Variants in FBXW11 observed in about 807,000 individuals in gnomAD.
The protein encoded by FBXW11 is F-box/WD repeat-containing protein 11.
A neutral mutation model predicts 77.6 loss-of-function variants in FBXW11; 19 were observed. The observed-to-expected ratio is 0.24, with a 90% CI of 0.17 to 0.36. The LOEUF (loss-of-function observed/expected upper bound fraction) is 0.36. Ranked by LOEUF, FBXW11 falls within the 10% of genes least tolerant of loss-of-function variation. FBXW11 has a pLI of 1.00. For missense variants in FBXW11, 334 were observed against 704.2 expected (o/e 0.47, Z 5.95); for synonymous variants, 235 against 249.4 (o/e 0.94, Z 0.54).
chr5:171,916,556 A>G (rs1761265827), intron 2 of FBXW11: 1 of 709,568 alleles, frequency 1.4e-6, no homozygotes, highest in Non-Finnish European at 1.7e-6. Context: ...AAGGAAACAA[A>G]GGTAGTATTT....
At chr5:171,991,888 G>C (rs922454305) in intron 1 of FBXW11, among the ~76,000 whole-genome samples, 2 of 152,128 alleles carry the variant, frequency 1.3e-5, no homozygotes, top group Non-Finnish European at 2.9e-5. Flanking sequence ...GCCGAGGTGG[G>C]AGGATCACTT....
intron 1 of FBXW11, among the ~76,000 whole-genome samples, chr5:171,995,550 G>A (rs971048965): frequency 2.0e-5 from 3 of 151,994 alleles, no homozygotes; most frequent in Non-Finnish European, 4.4e-5. Context: ...TCAGGAGATC[G>A]AGACCATCCT....
chr5:171,992,602 A>G (rs1044578616), intron 1 of FBXW11, among the ~76,000 whole-genome samples: 22 of 152,138 alleles, frequency 1.4e-4, no homozygotes, highest in Non-Finnish European at 4.4e-5. Context: ...ATGACATATG[A>G]TCTCAGGTTC....
chr5:171,881,005 G>A (rs1368913080), intron 7 of FBXW11, among the ~76,000 whole-genome samples: 1 of 152,152 alleles, frequency 6.6e-6, no homozygotes, highest in Non-Finnish European at 1.5e-5. Context: ...CCATGTTATT[G>A]TGTTTTTAAT....
chr5:171,906,627 T>C (rs976584380), intron 4 of FBXW11, among the ~76,000 whole-genome samples: 2 of 152,216 alleles, frequency 1.3e-5, no homozygotes, highest in Admixed American at 6.5e-5. Flanking sequence ...AGGCATATTA[T>C]AACATATTAT....
rs1264189805 is a variant in FBXW11 at position 171,863,096 on chromosome 5, GT to G, written c.*1030del. ...ACTCCACAACAAATAAAACATTTTG[GT>G]GTTAAACCTTAGAAATTACATTTTA... On this transcript the variant is annotated 3_prime_UTR_variant, in exon 14 of 14. Coordinates refer to ENST00000517395, the MANE Select transcript of FBXW11 (RefSeq NM_001378974.1). 4 of 152,548 alleles carry G rather than the reference GT, an allele frequency of 2.6e-5. No individual in the cohort carries two copies. Among genetic ancestry groups the G allele is most frequent in the Non-Finnish European group, 5.9e-5 (4 of 68,028 alleles). The allele number at this position is 152,548 out of a possible 1,614,324, so 9.4% of individuals were successfully genotyped here. A position where few individuals can be genotyped will look rare whatever the true frequency, so the allele number is the denominator to read the frequency against.
chr5:171,972,472 C>T (rs1339103325), intron 1 of FBXW11, among the ~76,000 whole-genome samples: 5 of 141,164 alleles, frequency 3.5e-5, no homozygotes, highest in Non-Finnish European at 6.1e-5. Context: ...CTGCACTCCA[C>T]CCTGGGCAAC....
chr5:171,924,915 A>T lies in FBXW11; in HGVS notation c.148-10510T>A, dbSNP rs565540887. On this transcript the variant is annotated intron_variant, in intron 2 of 13. Coordinates refer to ENST00000517395, the MANE Select transcript of FBXW11 (RefSeq NM_001378974.1). ...TCACGCGGATGCTGGTGTCTCCAAA[A>T]GTTTCAAGTGCCACCGCATTCCCCC... 3.9e-5 allele frequency among the ~76,000 whole-genome samples: 6 copies of T among 152,182 alleles called. No homozygotes were observed. The East Asian group carries it at 1.2e-3, about 30-fold the overall frequency.
intron 2 of FBXW11, among the ~76,000 whole-genome samples, chr5:171,925,268 T>A (rs1448517281): frequency 6.6e-6 from 1 of 152,214 alleles, no homozygotes; most frequent in Admixed American, 6.5e-5. Context: ...TAGCAGAGTA[T>A]AATAAATCCC....
chr5:171,939,696 C>CAAAAA (rs58051402), intron 2 of FBXW11, among the ~76,000 whole-genome samples: 6 of 80,050 alleles, frequency 7.5e-5, no homozygotes, highest in Admixed American at 3.0e-4. Flanking sequence ...GACCCTGTCT[C>CAAAAA]AAAAAAAAAA....
chr5:171,944,510 G>A (rs1235291875), intron 2 of FBXW11, among the ~76,000 whole-genome samples: 1 of 143,996 alleles, frequency 6.9e-6, no homozygotes, highest in Non-Finnish European at 1.5e-5. Flanking sequence ...CGGCAGGGCG[G>A]AGCCTGCAGT....
Position 171,869,166 on chromosome 5 carries a change from A to G in FBXW11, c.1531-370T>C, listed in dbSNP as rs1206467479. ...TTTTAACATGACCAGGATCTACCTC[A>G]AATTGCTGCCAGCATCAAAATTCAT... On this transcript the variant is annotated intron_variant, in intron 12 of 13. Transcript: ENST00000517395. The surrounding 1 kb of genome is among the most constrained non-coding windows in gnomAD (Gnocchi z 4.1). 6.6e-6 allele frequency among the ~76,000 whole-genome samples: 1 copy of G among 152,228 alleles called. No homozygotes were observed. Among genetic ancestry groups the G allele is most frequent in the Non-Finnish European group, 1.5e-5 (1 of 68,026 alleles).
rs1757168391 is a variant in FBXW11 at position 171,862,802 on chromosome 5, A to G, written c.*1325T>C. The G allele has an allele frequency of 1.3e-5, 2 of 152,224 alleles. No individual in the cohort carries two copies. Among genetic ancestry groups the G allele is most frequent in the African/African-American group, 4.8e-5 (2 of 41,434 alleles). The allele number at this position is 152,224 out of a possible 1,614,324, so 9.4% of individuals were successfully genotyped here. On this transcript the variant is annotated 3_prime_UTR_variant, in exon 14 of 14. Coordinates refer to ENST00000517395, the MANE Select transcript of FBXW11 (RefSeq NM_001378974.1). ...ACCCCTCAGCATGGGCCTCTGAACC[A>G]GCCTGACCTGCCCTGCAGGCTCCAA...
At chr5:171,989,686 C>A (rs992329322) in intron 1 of FBXW11, among the ~76,000 whole-genome samples, 1 of 152,170 alleles carries the variant, frequency 6.6e-6, no homozygotes, top group African/African-American at 2.4e-5. Context: ...AAAAAGAGTA[C>A]AAGAAACATA....
At chr5:171,996,338 AT>A (rs1241744165) in intron 1 of FBXW11, among the ~76,000 whole-genome samples, 1 of 152,192 alleles carries the variant, frequency 6.6e-6, no homozygotes, top group Non-Finnish European at 1.5e-5. Flanking sequence ...TGTATTTCCT[AT>A]TAGACTATGA....
Position 171,862,642 on chromosome 5 carries a change from T to C in FBXW11, c.*1485A>G, listed in dbSNP as rs1757159941. The C allele has an allele frequency of 1.3e-5, 2 of 152,668 alleles. No individual in the cohort carries two copies. Among genetic ancestry groups the C allele is most frequent in the Admixed American group, 6.5e-5 (1 of 15,286 alleles). The allele number at this position is 152,668 out of a possible 1,614,324, so 9.5% of individuals were successfully genotyped here. A position where few individuals can be genotyped will look rare whatever the true frequency, so the allele number is the denominator to read the frequency against. Reference sequence around the variant, plus strand: ...ATGCACTGTCAGGGCAACAGTGCCATTTACACATTTGGGCTGTGTCGTAGG... The same window carrying C: ...ATGCACTGTCAGGGCAACAGTGCCACTTACACATTTGGGCTGTGTCGTAGG... On this transcript the variant is annotated 3_prime_UTR_variant, in exon 14 of 14. Coordinates refer to ENST00000517395, the MANE Select transcript of FBXW11 (RefSeq NM_001378974.1).
At chr5:171,988,159 C>T (rs928524660) in intron 1 of FBXW11, among the ~76,000 whole-genome samples, 5 of 152,130 alleles carry the variant, frequency 3.3e-5, no homozygotes, top group Non-Finnish European at 5.9e-5. Context: ...TTTCTTAGTT[C>T]TGTCCACTGA....
intron 4 of FBXW11, among the ~76,000 whole-genome samples, chr5:171,903,242 A>G (rs1760257733): frequency 6.6e-6 from 1 of 152,032 alleles, no homozygotes; most frequent in African/African-American, 2.4e-5. Context: ...GACTACAGGC[A>G]CATGCCTCCA....
intron 2 of FBXW11, among the ~76,000 whole-genome samples, chr5:171,930,762 T>TAAAAAAAAAAAAAAAA (rs59700625): frequency 3.3e-4 from 42 of 126,116 alleles, no homozygotes; most frequent in East Asian, 9.1e-4. Flanking sequence ...AATAAAAAAA[T>TAAAAAAAAAAAAAAAA]AAAAAAAAAA....
Sources: gnomAD v4.1 joint callset for allele counts (sites outside exome capture counted in the v4.1 genomes callset) on GRCh38, gnomAD v4.1.1 for gene constraint, Gnocchi (gnomAD v3.1) non-coding constraint, MANE v1.5 for transcripts, NCBI Gene and HGNC (gene_info 2026-07-23, HGNC 2026-07-21) for gene names.